The following CREB5 variants were observed in gnomAD, a reference collection of about 807,000 sequenced individuals.
The protein encoded by CREB5 is cyclic AMP-responsive element-binding protein 5.
Under a neutral mutation model 57.1 loss-of-function variants are expected in CREB5, and 19 were observed. The observed-to-expected ratio is 0.33, with a 90% CI of 0.23 to 0.49. The LOEUF (loss-of-function observed/expected upper bound fraction) is 0.49. Ranked by LOEUF, CREB5 falls within the 20% of genes least tolerant of loss-of-function variation. The pLI, the probability that CREB5 is intolerant of heterozygous loss-of-function variation, is 0.99. For synonymous variants in CREB5, 238 were observed against 238.3 expected (o/e 1.00, Z 0.01); for missense variants, 579 against 671.6 (o/e 0.86, Z 1.52).
intron 5 of CREB5, among the ~76,000 whole-genome samples, chr7:28,591,763 A>G (rs1164580724): frequency 6.6e-6 from 1 of 152,152 alleles, no homozygotes; most frequent in African/African-American, 2.4e-5. Flanking sequence ...GGGTGTAGGA[A>G]GTGGAGGTAA....
At chr7:28,341,625 C>T (rs1368838392) in intron 1 of CREB5, among the ~76,000 whole-genome samples, 2 of 152,186 alleles carry the variant, frequency 1.3e-5, no homozygotes, top group South Asian at 2.1e-4. Flanking sequence ...TTTTGTCTTG[C>T]ATTCTTTGTA....
chr7:28,527,000 A>G (rs1353106941), intron 4 of CREB5, among the ~76,000 whole-genome samples: 1 of 152,186 alleles, frequency 6.6e-6, no homozygotes, highest in African/African-American at 2.4e-5. Context: ...GAAGAGTGAA[A>G]TATTAAACCA....
At chr7:28,492,979 G>T (rs2128597462) in intron 2 of CREB5, among the ~76,000 whole-genome samples, 1 of 152,162 alleles carries the variant, frequency 6.6e-6, no homozygotes, top group African/African-American at 2.4e-5. Flanking sequence ...AGTGTATTCA[G>T]AAATCTGGCA....
At chr7:28,615,895 C>T (rs1249801675) in intron 5 of CREB5, 1 of 152,226 alleles carries the variant, frequency 6.6e-6, no homozygotes, top group Non-Finnish European at 1.5e-5. Flanking sequence ...GGAGTAGCAA[C>T]TATGTCATTG....
At chr7:28,689,826 A>G (rs886244277) in intron 5 of CREB5, among the ~76,000 whole-genome samples, 20 of 152,090 alleles carry the variant, frequency 1.3e-4, no homozygotes, top group Non-Finnish European at 2.8e-4. Context: ...TGCATTTTTG[A>G]CACCATTTCA....
chr7:28,647,919 AAAAAAT>A, intron 5 of CREB5, among the ~76,000 whole-genome samples: 1 of 152,266 alleles, frequency 6.6e-6, no homozygotes, highest in Admixed American at 6.5e-5. Context: ...CCAACTCTAC[AAAAAAT>A]AAAAATAAGA....
chr7:28,692,280 G>A (rs62443608), intron 5 of CREB5, among the ~76,000 whole-genome samples: 26,319 of 152,004 alleles, frequency 0.17, 2,640 homozygotes, highest in Non-Finnish European at 0.22. Context: ...CCTTCAAAGG[G>A]GACTCCTTTT....
chr7:28,395,781 TTTTC>T (rs529778395), intron 1 of CREB5, among the ~76,000 whole-genome samples: 18 of 152,220 alleles, frequency 1.2e-4, no homozygotes, highest in African/African-American at 2.4e-4. Context: ...GGAGTTTCTT[TTTTC>T]TTTCTTTCTT....
intron 7 of CREB5, among the ~76,000 whole-genome samples, chr7:28,773,701 C>T (rs2128778252): frequency 6.6e-6 from 1 of 152,304 alleles, no homozygotes; most frequent in Non-Finnish European, 1.5e-5. Context: ...TTTCTGCTTT[C>T]CCTGTTTGGA....
intron 7 of CREB5, among the ~76,000 whole-genome samples, chr7:28,753,230 G>A (rs1805085905): frequency 6.6e-6 from 1 of 152,106 alleles, no homozygotes; most frequent in African/African-American, 2.4e-5. Context: ...CAATAAATAG[G>A]AAATGGTGGG....
chr7:28,683,884 T>C (rs1004728128), intron 5 of CREB5, among the ~76,000 whole-genome samples: 1 of 152,176 alleles, frequency 6.6e-6, no homozygotes, highest in African/African-American at 2.4e-5. Flanking sequence ...GAGAACATTT[T>C]CCCATTGAGC....
chr7:28,778,687 A>G (rs2128781901), intron 7 of CREB5, among the ~76,000 whole-genome samples: 1 of 152,330 alleles, frequency 6.6e-6, no homozygotes, highest in Admixed American at 6.5e-5. Flanking sequence ...ACAACAAAAC[A>G]TGACTGGGCA....
At chr7:28,326,206 TATCTACC>T in intron 1 of CREB5, among the ~76,000 whole-genome samples, 1 of 124,098 alleles carries the variant, frequency 8.1e-6, no homozygotes, top group Admixed American at 8.1e-5. Context: ...TCTATCTATC[TATCTACC>T]TATCTATCTT....
chr7:28,655,619 AAATT>A (rs533311244), intron 5 of CREB5, among the ~76,000 whole-genome samples: 3 of 152,288 alleles, frequency 2.0e-5, no homozygotes, highest in South Asian at 4.1e-4. Context: ...TCAAAAACAC[AAATT>A]AATTAAGTAA....
At chr7:28,473,626 G>A (rs1364420998) in intron 1 of CREB5, among the ~76,000 whole-genome samples, 1 of 152,212 alleles carries the variant, frequency 6.6e-6, no homozygotes, top group Non-Finnish European at 1.5e-5. Flanking sequence ...CAGAAGATGG[G>A]GAAGATGAGG....
intron 4 of CREB5, among the ~76,000 whole-genome samples, chr7:28,521,668 A>G (rs1189502982): frequency 6.6e-6 from 1 of 152,170 alleles, no homozygotes. Context: ...CTAACCTTCT[A>G]CAGGGAAGTC....
At chr7:28,727,591 G>T (rs1803396968) in intron 7 of CREB5, among the ~76,000 whole-genome samples, 1 of 152,172 alleles carries the variant, frequency 6.6e-6, no homozygotes, top group Non-Finnish European at 1.5e-5. Context: ...TTCTATTTAT[G>T]GGAATCAGAC....
At chr7:28,354,165 A>G (rs1334368348) in intron 1 of CREB5, among the ~76,000 whole-genome samples, 1 of 152,166 alleles carries the variant, frequency 6.6e-6, no homozygotes, top group Non-Finnish European at 1.5e-5. Context: ...GGAAGGCGTG[A>G]TGGTTAATAC....
At chr7:28,387,191 C>T (rs1486212806) in intron 1 of CREB5, among the ~76,000 whole-genome samples, 2 of 152,220 alleles carry the variant, frequency 1.3e-5, no homozygotes, top group African/African-American at 4.8e-5. Context: ...TACACTCCTA[C>T]CATCAGTGTA....
Sources: allele counts gnomAD v4.1 joint callset (sites outside exome capture counted in the v4.1 genomes callset), GRCh38; gene constraint gnomAD v4.1.1; transcripts MANE v1.5; gene names NCBI Gene and HGNC (gene_info 2026-07-23, HGNC 2026-07-21).